Variants in ANTXR2 observed in about 807,000 individuals in gnomAD.
ANTXR2 encodes ANTXR cell adhesion molecule 2.
In ANTXR2, 44 loss-of-function variants were observed where a neutral mutation model predicts 73.7. The ratio of observed to expected loss-of-function variants is 0.60; its 90% confidence interval spans 0.47 to 0.77. The LOEUF (loss-of-function observed/expected upper bound fraction) is 0.77, where lower values mean the gene tolerates loss of function less well. ANTXR2 is among the 30% of genes least tolerant of loss of function. The pLI is 0.00. For synonymous variants in ANTXR2, 217 were observed against 205.9 expected (o/e 1.05, Z -0.46); for missense variants, 604 against 592.5 (o/e 1.02, Z -0.20).
chr4:80,040,623 A>G (rs1041296764), intron 7 of ANTXR2, among the ~76,000 whole-genome samples: 1 of 152,046 alleles, frequency 6.6e-6, no homozygotes, highest in African/African-American at 2.4e-5. Flanking sequence ...AGCACCATAG[A>G]CCAATAGATC....
At chr4:80,043,949 A>G (rs1234691155) in intron 7 of ANTXR2, among the ~76,000 whole-genome samples, 2 of 151,878 alleles carry the variant, frequency 1.3e-5, no homozygotes, top group African/African-American at 4.8e-5. Flanking sequence ...TGGATTCACC[A>G]AAGGCCAAAT....
intron 12 of ANTXR2, among the ~76,000 whole-genome samples, chr4:80,007,921 G>A (rs1731384847): frequency 1.3e-5 from 2 of 152,130 alleles, no homozygotes; most frequent in Non-Finnish European, 2.9e-5. Context: ...ACATATGTGT[G>A]GCAATTTGTT....
chr4:80,056,442 GA>G (rs1331527101), intron 3 of ANTXR2, among the ~76,000 whole-genome samples: 1 of 151,838 alleles, frequency 6.6e-6, no homozygotes, highest in African/African-American at 2.4e-5. Flanking sequence ...TGTTATCTGC[GA>G]ATTGCTAAAG....
chr4:80,027,875 A>G (rs1055055306), intron 10 of ANTXR2, among the ~76,000 whole-genome samples: 7 of 152,194 alleles, frequency 4.6e-5, no homozygotes, highest in Non-Finnish European at 1.0e-4. Flanking sequence ...ATACTTGCAC[A>G]TTAAACTGTG....
intron 7 of ANTXR2, among the ~76,000 whole-genome samples, chr4:80,045,072 A>G (rs1259135332): frequency 2.6e-5 from 4 of 151,826 alleles, no homozygotes; most frequent in African/African-American, 9.7e-5. Flanking sequence ...TTATTTGGAT[A>G]AATTCAAATT....
intron 10 of ANTXR2, among the ~76,000 whole-genome samples, chr4:80,030,753 T>C (rs1732653447): frequency 6.6e-6 from 1 of 152,084 alleles, no homozygotes; most frequent in Non-Finnish European, 1.5e-5. Flanking sequence ...GAGGAAAATA[T>C]CATTTTCAGT....
At chr4:80,019,666 A>G (rs1357232292) in intron 10 of ANTXR2, among the ~76,000 whole-genome samples, 1 of 152,198 alleles carries the variant, frequency 6.6e-6, no homozygotes, top group Non-Finnish European at 1.5e-5. Flanking sequence ...TAAACCAGTC[A>G]AAAATAAAAT....
In ANTXR2 at chr4:80,067,767, T is replaced by G. The variant is rs568919301; in HGVS notation, c.296+1669A>C. 3.3e-5 allele frequency among the ~76,000 whole-genome samples: 5 copies of G among 152,188 alleles called. No homozygotes were observed. The South Asian group carries it at 1.0e-3, about 32-fold the overall frequency. ...AACACAGGAACAGAAAACCCAACAC[T>G]GCATGTTCTTGTAAGTGGAAGCTGA... On this transcript the variant is annotated intron_variant, in intron 3 of 16. Coordinates refer to ENST00000403729, the MANE Select transcript of ANTXR2 (RefSeq NM_058172.6).
At chr4:80,006,524 A>C (rs1731308514) in intron 12 of ANTXR2, among the ~76,000 whole-genome samples, 1 of 152,244 alleles carries the variant, frequency 6.6e-6, no homozygotes, top group African/African-American at 2.4e-5. Flanking sequence ...CTATTAAATA[A>C]GTTCAGGAAA....
At chr4:80,063,702 C>T (rs1446349975) in intron 3 of ANTXR2, among the ~76,000 whole-genome samples, 1 of 151,960 alleles carries the variant, frequency 6.6e-6, no homozygotes, top group East Asian at 1.9e-4. Context: ...TGCTTTTAAA[C>T]TTAGTATATC....
chr4:80,061,990 C>A (rs1039160428), intron 3 of ANTXR2, among the ~76,000 whole-genome samples: 1 of 152,114 alleles, frequency 6.6e-6, no homozygotes, highest in Non-Finnish European at 1.5e-5. Context: ...TTAAAGGTTT[C>A]AAATGAGTGA....
intron 16 of ANTXR2, among the ~76,000 whole-genome samples, chr4:79,933,605 G>T (rs1235718176): frequency 1.3e-5 from 2 of 151,810 alleles, no homozygotes; most frequent in African/African-American, 2.4e-5. Context: ...CAACGTGCAG[G>T]TTTGTTACAT....
intron 1 of ANTXR2, among the ~76,000 whole-genome samples, 194 bp downstream of exon 1, chr4:80,072,215 C>T (rs953052222): frequency 1.3e-5 from 2 of 152,184 alleles, no homozygotes; most frequent in African/African-American, 4.8e-5. Context: ...GCTCCAATCA[C>T]TACCCCCGAC....
intron 16 of ANTXR2, among the ~76,000 whole-genome samples, chr4:79,976,058 G>A (rs1268038464): frequency 3.3e-5 from 5 of 151,796 alleles, no homozygotes; most frequent in African/African-American, 1.2e-4. Context: ...GACTACAGGC[G>A]CCCGCCACCA....
chr4:80,072,315 A>G, intron 1 of ANTXR2, 94 bp downstream of exon 1: 6 of 1,375,104 alleles, frequency 4.4e-6, no homozygotes, highest in Non-Finnish European at 4.8e-6. Context: ...TTCCAACACC[A>G]CTCCCCGGGG....
At position 80,053,040 on chromosome 4, in the gene ANTXR2, A is replaced by C. The variant is rs149950983; in HGVS notation, c.636+1232T>G. On this transcript the variant is annotated intron_variant, in intron 7 of 16. Coordinates refer to ENST00000403729, the MANE Select transcript of ANTXR2 (RefSeq NM_058172.6). ...TCTCCTTCCCAGTATAATTATAAAAATCATTACAAATCCCAGAGCAAAATA... is the reference window on the plus strand; with the variant it reads ...TCTCCTTCCCAGTATAATTATAAAACTCATTACAAATCCCAGAGCAAAATA... Among the ~76,000 whole-genome samples, 269 of 151,738 alleles carry C rather than the reference A, an allele frequency of 1.8e-3. 1 individual carries two copies. Among genetic ancestry groups the C allele is most frequent in the African/African-American group, 6.1e-3 (254 of 41,494 alleles).
At chr4:80,050,256 G>C (rs938901267) in intron 7 of ANTXR2, among the ~76,000 whole-genome samples, 1 of 151,654 alleles carries the variant, frequency 6.6e-6, no homozygotes, top group Non-Finnish European at 1.5e-5. Flanking sequence ...CTGATCTTAC[G>C]GCTTGAGGAT....
intron 16 of ANTXR2, among the ~76,000 whole-genome samples, chr4:79,950,001 T>C (rs1457259828): frequency 6.6e-6 from 1 of 152,172 alleles, no homozygotes; most frequent in Non-Finnish European, 1.5e-5. Context: ...ACAGCTATCA[T>C]ATCAACGTTA....
At chr4:79,962,145 A>T (rs1560910953) in intron 16 of ANTXR2, among the ~76,000 whole-genome samples, 1 of 152,222 alleles carries the variant, frequency 6.6e-6, no homozygotes, top group Non-Finnish European at 1.5e-5. Context: ...GAAACTAAGA[A>T]ATGTTATCAA....
Sources: allele counts gnomAD v4.1 joint callset (sites outside exome capture counted in the v4.1 genomes callset), GRCh38; gene constraint gnomAD v4.1.1; transcripts MANE v1.5; gene names NCBI Gene and HGNC (gene_info 2026-07-23, HGNC 2026-07-21).